TAOK3: variants seen among roughly 807,000 people sequenced by gnomAD.
The protein encoded by TAOK3 is serine/threonine-protein kinase TAO3.
TAOK3 carries 40 observed loss-of-function variants against 120.4 expected under a neutral mutation model. The observed-to-expected ratio is 0.33, with a 90% CI of 0.26 to 0.43. The LOEUF is 0.43. TAOK3 is among the 20% of genes least tolerant of loss of function. The pLI is 1.00. For missense variants in TAOK3, 821 were observed against 1,112.1 expected (o/e 0.74, Z 3.72); for synonymous variants, 355 against 387.5 (o/e 0.92, Z 0.99).
At chr12:118,312,122 T>C (rs916831579) in intron 1 of TAOK3, among the ~76,000 whole-genome samples, 8 of 152,034 alleles carry the variant, frequency 5.3e-5, no homozygotes, top group East Asian at 1.9e-4. Context: ...CCTTGAAAAA[T>C]AGAAATATAA....
intron 17 of TAOK3, among the ~76,000 whole-genome samples, chr12:118,168,957 T>TTGCCTTCCTTCCTTCCTTCCTTCC (rs1300287948): frequency 6.8e-6 from 1 of 147,672 alleles, no homozygotes; most frequent in African/African-American, 2.5e-5. Context: ...GCTTGCTTGC[T>TTGCCTTCCTTCCTTCCTTCCTTCC]TTCCTTCCTT....
Position 118,214,059 on chromosome 12 carries a change from T to A in TAOK3, c.695A>T (p.His232Leu), listed in dbSNP as rs772923322. The A allele has an allele frequency of 3.7e-6, 6 of 1,609,722 alleles. No homozygotes were observed. The South Asian group carries it at 6.6e-5, about 18-fold the overall frequency. Residue 232 changes from histidine (H) to leucine (L), a missense_variant, in exon 10 of 21, where the codon CAC becomes CTC. Physicochemically the swap from His to Leu is moderately conservative, Grantham distance 99. This residue lies in a region of TAOK3 where 467 missense variants were observed against 540.0 expected (regional missense o/e 0.86). Transcript: ENST00000392533. ...FNMNAMSALYHIAQNDSPTLQ... is the reference protein window; with the variant it reads ...FNMNAMSALYLIAQNDSPTLQ... ...CGTTGGGGAGTCATTCTGGGCAATG[T>A]GATATAAGGCACTCATTGCATTCAT... is the stretch of plus-strand genomic sequence containing the variant.
chr12:118,151,289 GCACACACA>G (rs773751889), intron 20 of TAOK3, 131 bp from the exon 21 acceptor site: 190 of 253,080 alleles, frequency 7.5e-4, no homozygotes, highest in African/African-American at 5.0e-3. Context: ...GCGCGCGCGC[GCACACACA>G]CACACACACA....
chr12:118,190,072 G>A (rs1188994066), intron 13 of TAOK3, 131 bp from the exon 14 acceptor site: 9 of 1,163,096 alleles, frequency 7.7e-6, no homozygotes, highest in Non-Finnish European at 9.7e-6. Context: ...GCTAGTCCCC[G>A]CAGCTCCCAC....
chr12:118,224,325 C>A (rs1186789717), intron 9 of TAOK3, among the ~76,000 whole-genome samples: 2 of 152,066 alleles, frequency 1.3e-5, no homozygotes, highest in African/African-American at 4.8e-5. Context: ...CTAAATATAA[C>A]CCCTTCTCCC....
At chr12:118,351,136 A>T (rs1438911603) in intron 1 of TAOK3, among the ~76,000 whole-genome samples, 2 of 152,174 alleles carry the variant, frequency 1.3e-5, no homozygotes, top group African/African-American at 4.8e-5. Flanking sequence ...CTGAGATCAC[A>T]GCACTGCACT....
intron 19 of TAOK3, among the ~76,000 whole-genome samples, chr12:118,155,005 A>AT (rs112895077): frequency 5.0e-5 from 7 of 141,296 alleles, no homozygotes; most frequent in South Asian, 2.1e-4. Context: ...ATATATATAT[A>AT]TTTTTTTTTG....
chr12:118,298,810 A>G (rs2042773981), intron 1 of TAOK3, among the ~76,000 whole-genome samples: 1 of 152,236 alleles, frequency 6.6e-6, no homozygotes, highest in South Asian at 2.1e-4. Context: ...AAGTTGGTAT[A>G]TTCAAGGTGG....
In TAOK3 at chr12:118,241,903, G is replaced by C. The variant is rs181222764; in HGVS notation, c.294+1512C>G. 1.4e-3 allele frequency among the ~76,000 whole-genome samples: 217 copies of C among 152,134 alleles called. 1 individual carries two copies. The highest frequency in any genetic ancestry group is 2.7e-3 in the Non-Finnish European group (181 of 67,994). On this transcript the variant is annotated intron_variant, in intron 5 of 20. Coordinates refer to ENST00000392533, the MANE Select transcript of TAOK3 (RefSeq NM_016281.4). ...AGGTGGGCGGATCACCTGAGGTCGG[G>C]AGTTCGAGACCAGCCTGACCAACAT...
intron 1 of TAOK3, among the ~76,000 whole-genome samples, chr12:118,294,224 C>A (rs1005309821): frequency 6.6e-5 from 10 of 152,082 alleles, no homozygotes; most frequent in African/African-American, 1.9e-4. Flanking sequence ...ACTCATGAAA[C>A]CATCAACACA....
intron 1 of TAOK3, among the ~76,000 whole-genome samples, chr12:118,310,908 T>G (rs2043236356): frequency 6.6e-6 from 1 of 152,088 alleles, no homozygotes; most frequent in Non-Finnish European, 1.5e-5. Flanking sequence ...CATAAGACAT[T>G]TTGCAACTAC....
intron 3 of TAOK3, among the ~76,000 whole-genome samples, chr12:118,247,596 C>A (rs1469385496): frequency 6.6e-6 from 1 of 152,056 alleles, no homozygotes; most frequent in Non-Finnish European, 1.5e-5. Flanking sequence ...CTCACTGCAA[C>A]CTCTGCCTCC....
At chr12:118,323,816 C>T (rs2140967441) in intron 1 of TAOK3, among the ~76,000 whole-genome samples, 1 of 152,206 alleles carries the variant, frequency 6.6e-6, no homozygotes, top group South Asian at 2.1e-4. Context: ...AGCAGGAGAA[C>T]ACAGGGATCT....
chr12:118,249,457 G>A (rs1162258593), intron 3 of TAOK3, among the ~76,000 whole-genome samples: 1 of 151,768 alleles, frequency 6.6e-6, no homozygotes, highest in Non-Finnish European at 1.5e-5. Flanking sequence ...AGCTACTTGG[G>A]AGGCTGAGGC....
intron 4 of TAOK3, among the ~76,000 whole-genome samples, chr12:118,244,592 G>A (rs1165105851): frequency 7.0e-6 from 1 of 142,854 alleles, no homozygotes; most frequent in Non-Finnish European, 1.5e-5. Flanking sequence ...GCAGCGGCGT[G>A]ATCTCGGCTC....
intron 1 of TAOK3, among the ~76,000 whole-genome samples, chr12:118,350,898 G>A (rs1453796225): frequency 6.7e-6 from 1 of 150,006 alleles, no homozygotes; most frequent in Non-Finnish European, 1.5e-5. Flanking sequence ...AAAAAAAAAG[G>A]CCAGGTGTGG....
chr12:118,360,679 A>G (rs1474976469), intron 1 of TAOK3, among the ~76,000 whole-genome samples: 2 of 152,222 alleles, frequency 1.3e-5, no homozygotes, highest in Non-Finnish European at 2.9e-5. Context: ...TGAACAAAAT[A>G]AAGTCCCTGT....
At chr12:118,318,121 T>A (rs1009709181) in intron 1 of TAOK3, among the ~76,000 whole-genome samples, 2 of 151,318 alleles carry the variant, frequency 1.3e-5, no homozygotes, top group Non-Finnish European at 2.9e-5. Flanking sequence ...TAACTCAGAA[T>A]AGATCCGAGA....
Position 118,199,095 on chromosome 12 carries a change from C to T in TAOK3, c.1150G>A (p.Asp384Asn). 1 of 1,614,164 alleles carries T rather than the reference C, an allele frequency of 6.2e-7. No homozygotes were observed. Among genetic ancestry groups the T allele is most frequent in the Non-Finnish European group, 8.5e-7 (1 of 1,180,038 alleles). ...GAGCTGGAATTGATTGTGCTTTCGT[C>T]ATCGTGCATCATGACAAGTTCGGAA... ...SSSELVMMHD[D>N]ESTINSSSSV... Residue 384 changes from aspartate to asparagine, a missense_variant, in exon 13 of 21, where the codon GAC (aspartate) becomes AAC (asparagine). Around this residue, in one of 2 missense-constraint regions of TAOK3, gnomAD observed 467 missense variants for 540.0 expected, o/e 0.86. Transcript: ENST00000392533.
Sources: allele counts gnomAD v4.1 joint callset (sites outside exome capture counted in the v4.1 genomes callset), GRCh38; gene constraint gnomAD v4.1.1; regional missense constraint gnomAD v4.1.1; transcripts MANE v1.5; gene names NCBI Gene and HGNC (gene_info 2026-07-23, HGNC 2026-07-21).